ADAMTSL1: variants seen among roughly 807,000 people sequenced by gnomAD.
ADAMTSL1 encodes ADAMTS like 1, also known as ADAMTS-like protein 1.
In ADAMTSL1, 126 loss-of-function variants were observed where a neutral mutation model predicts 201.8. The ratio of observed to expected loss-of-function variants is 0.62; its 90% CI spans 0.54 to 0.72. The LOEUF (loss-of-function observed/expected upper bound fraction) is 0.72. Ranked by LOEUF, ADAMTSL1 falls within the 30% of genes least tolerant of loss-of-function variation. ADAMTSL1 has a pLI of 0.00. For missense variants in ADAMTSL1, 2,679 were observed against 2,277.8 expected, an observed-to-expected ratio of 1.18 and a Z score of -3.59; for synonymous variants, 1,121 against 903.4, an observed-to-expected ratio of 1.24 and a Z score of -4.32.
At chr9:18,759,787 T>C (rs1819964301) in intron 16 of ADAMTSL1, among the ~76,000 whole-genome samples, 1 of 152,206 alleles carries the variant, frequency 6.6e-6, no homozygotes, top group Non-Finnish European at 1.5e-5. Flanking sequence ...GAAGGTACAG[T>C]GTACACCCCT....
chr9:18,498,730 T>C (rs565103033), intron 1 of ADAMTSL1, among the ~76,000 whole-genome samples: 9 of 152,350 alleles, frequency 5.9e-5, no homozygotes, highest in Admixed American at 5.2e-4. Context: ...TCCGTCTCAC[T>C]CTAAAGTCTG....
chr9:17,947,345 ACC>A (rs374811850), intron 1 of ADAMTSL1, among the ~76,000 whole-genome samples: 18 of 147,110 alleles, frequency 1.2e-4, no homozygotes, highest in African/African-American at 4.6e-4. Context: ...ACACACACAC[ACC>A]CCACTATGCA....
chr9:18,115,620 T>C (rs554806553), intron 1 of ADAMTSL1, among the ~76,000 whole-genome samples: 1 of 152,314 alleles, frequency 6.6e-6, no homozygotes, highest in East Asian at 1.9e-4. Context: ...CTAGTGACTT[T>C]ATGAATATTA....
chr9:18,890,276 A>ATAG (rs760131249), intron 25 of ADAMTSL1, among the ~76,000 whole-genome samples: 1 of 152,180 alleles, frequency 6.6e-6, no homozygotes, highest in Non-Finnish European at 1.5e-5. Context: ...TCTGTTTCTG[A>ATAG]CAGTAGCCTC....
At chr9:18,206,158 G>T (rs1480552556) in intron 2 of ADAMTSL1, among the ~76,000 whole-genome samples, 2 of 150,226 alleles carry the variant, frequency 1.3e-5, no homozygotes, top group African/African-American at 4.9e-5. Flanking sequence ...TTTCAATATG[G>T]ATCATCTTTT....
At chr9:18,008,691 C>T (rs1819931729) in intron 1 of ADAMTSL1, among the ~76,000 whole-genome samples, 1 of 151,870 alleles carries the variant, frequency 6.6e-6, no homozygotes, top group African/African-American at 2.4e-5. Flanking sequence ...TCAATGGTCC[C>T]ACCTTAGCAA....
chr9:18,316,937 T>A (rs1028638102), intron 2 of ADAMTSL1, among the ~76,000 whole-genome samples: 15 of 152,180 alleles, frequency 9.9e-5, no homozygotes, highest in African/African-American at 2.9e-4. Context: ...TCCATATTTA[T>A]TGCAGCGTTA....
intron 2 of ADAMTSL1, among the ~76,000 whole-genome samples, chr9:18,212,536 T>C (rs1038846869): frequency 2.0e-5 from 3 of 152,184 alleles, no homozygotes; most frequent in African/African-American, 7.2e-5. Context: ...GAAGACTGGA[T>C]TGGCCAGGCT....
intron 2 of ADAMTSL1, among the ~76,000 whole-genome samples, chr9:18,322,836 C>T (rs530110655): frequency 2.4e-4 from 36 of 152,206 alleles, no homozygotes; most frequent in Admixed American, 1.8e-3. Context: ...AAAATGCATA[C>T]ATCAATGCAA....
intron 1 of ADAMTSL1, among the ~76,000 whole-genome samples, chr9:17,939,090 T>G (rs1227395651): frequency 1.3e-5 from 2 of 152,182 alleles, no homozygotes; most frequent in Non-Finnish European, 2.9e-5. Flanking sequence ...TTTTTGCATG[T>G]GTAGCTTGAT....
chr9:18,640,681 A>G (rs1827383193), intron 7 of ADAMTSL1, among the ~76,000 whole-genome samples: 1 of 152,054 alleles, frequency 6.6e-6, no homozygotes, highest in South Asian at 2.1e-4. Context: ...ATAAATGAAG[A>G]CACTGTCTGC....
At chr9:18,823,481 G>T (rs1250330718) in intron 21 of ADAMTSL1, among the ~76,000 whole-genome samples, 2 of 152,102 alleles carry the variant, frequency 1.3e-5, no homozygotes, top group Admixed American at 1.3e-4. Context: ...CATTCCTGGG[G>T]GAGTGAGAAA....
At chr9:18,607,393 GA>G (rs1825090931) in intron 4 of ADAMTSL1, among the ~76,000 whole-genome samples, 1 of 152,092 alleles carries the variant, frequency 6.6e-6, no homozygotes, top group Non-Finnish European at 1.5e-5. Context: ...GCATTTGATA[GA>G]CCCACTTTGT....
intron 1 of ADAMTSL1, among the ~76,000 whole-genome samples, chr9:17,913,801 A>C (rs981847327): frequency 9.7e-6 from 1 of 102,700 alleles, no homozygotes; most frequent in Non-Finnish European, 2.0e-5. Flanking sequence ...GAAAAGAGAG[A>C]AGAATCAAAT....
At chr9:18,747,321 T>C (rs1819206126) in intron 15 of ADAMTSL1, among the ~76,000 whole-genome samples, 1 of 152,184 alleles carries the variant, frequency 6.6e-6, no homozygotes, top group South Asian at 2.1e-4. Context: ...AGTCAATATA[T>C]GTTCCCACAT....
intron 13 of ADAMTSL1, among the ~76,000 whole-genome samples, chr9:18,685,800 C>T (rs1041697463): frequency 6.6e-6 from 1 of 152,206 alleles, no homozygotes; most frequent in Non-Finnish European, 1.5e-5. Flanking sequence ...TTCCTGAGTG[C>T]ACAAGAAATC....
At chr9:18,016,324 C>T (rs1820260139) in intron 1 of ADAMTSL1, among the ~76,000 whole-genome samples, 1 of 152,020 alleles carries the variant, frequency 6.6e-6, no homozygotes, top group African/African-American at 2.4e-5. Flanking sequence ...TTGTCGTGAA[C>T]TCTTGGGTCA....
intron 2 of ADAMTSL1, among the ~76,000 whole-genome samples, chr9:18,182,272 A>G (rs1828528207): frequency 6.6e-6 from 1 of 152,042 alleles, no homozygotes. Context: ...CAAGTACCCT[A>G]AAACTTAAAG....
chr9:18,708,192 G>A (rs1349808528), intron 14 of ADAMTSL1, among the ~76,000 whole-genome samples: 1 of 152,194 alleles, frequency 6.6e-6, no homozygotes, highest in Admixed American at 6.5e-5. Context: ...CTTTTGTCAT[G>A]ATTGAGAACG....
Sources: allele counts gnomAD v4.1 joint callset (sites outside exome capture counted in the v4.1 genomes callset), GRCh38; gene constraint gnomAD v4.1.1; transcripts MANE v1.5; gene names NCBI Gene and HGNC (gene_info 2026-07-23, HGNC 2026-07-21).